STXBP5L: variants seen among roughly 807,000 people sequenced by gnomAD.
STXBP5L encodes the protein syntaxin binding protein 5L.
A neutral mutation model predicts 144.5 loss-of-function variants in STXBP5L; 65 were observed. That is an observed-to-expected ratio of 0.45 (90% confidence interval 0.37 to 0.55). The LOEUF (loss-of-function observed/expected upper bound fraction) is 0.55. Among genes scored for constraint, STXBP5L ranks in the 20% least tolerant of loss-of-function variants. The pLI, the probability that STXBP5L is intolerant of heterozygous loss-of-function variation, is 0.00. For synonymous variants in STXBP5L, 505 were observed against 469.6 expected (o/e 1.08, Z -0.97); for missense variants, 1,298 against 1,405.5 (o/e 0.92, Z 1.22).
intron 7 of STXBP5L, among the ~76,000 whole-genome samples, chr3:121,136,445 G>T (rs1024291994): frequency 6.6e-6 from 1 of 152,190 alleles, no homozygotes; most frequent in East Asian, 1.9e-4. Context: ...TACTTCAGCA[G>T]CCTTGAGACC....
At chr3:121,012,717 G>A (rs1944872497) in intron 3 of STXBP5L, among the ~76,000 whole-genome samples, 2 of 151,728 alleles carry the variant, frequency 1.3e-5, no homozygotes, top group Non-Finnish European at 2.9e-5. Flanking sequence ...GGATACATGT[G>A]CATGTGCAGG....
chr3:121,194,718 A>T (rs1026901724), intron 9 of STXBP5L, among the ~76,000 whole-genome samples: 3 of 151,804 alleles, frequency 2.0e-5, no homozygotes, highest in African/African-American at 2.4e-5. Flanking sequence ...TTTGTGAGAG[A>T]TTTTTCCAAT....
At chr3:120,915,696 T>G in intron 2 of STXBP5L, among the ~76,000 whole-genome samples, 1 of 152,094 alleles carries the variant, frequency 6.6e-6, no homozygotes, top group Non-Finnish European at 1.5e-5. Context: ...AAATATAGAT[T>G]AAGTATTCTG....
At chr3:121,093,543 T>G (rs1264762102) in intron 5 of STXBP5L, among the ~76,000 whole-genome samples, 36 of 152,244 alleles carry the variant, frequency 2.4e-4, no homozygotes, top group Non-Finnish European at 1.9e-4. Flanking sequence ...CTTCTAGATT[T>G]TCTAGTTTAT....
chr3:121,012,943 T>C (rs1342628526), intron 3 of STXBP5L, among the ~76,000 whole-genome samples: 2 of 151,956 alleles, frequency 1.3e-5, no homozygotes, highest in African/African-American at 4.8e-5. Flanking sequence ...GAAGATGCAG[T>C]ATTTGATTTT....
At chr3:121,050,802 G>C (rs1947914256) in intron 5 of STXBP5L, among the ~76,000 whole-genome samples, 2 of 152,102 alleles carry the variant, frequency 1.3e-5, no homozygotes, top group African/African-American at 4.8e-5. Context: ...ATTGGATAAA[G>C]AGTCAAGACC....
At chr3:121,407,214 A>C in intron 22 of STXBP5L, 29 bp from the exon 23 acceptor site, 2 of 1,523,864 alleles carry the variant, frequency 1.3e-6, no homozygotes, top group Non-Finnish European at 1.8e-6. Flanking sequence ...TGAATTTGAC[A>C]TGTCAGTGAT....
At chr3:121,070,023 T>G (rs2041735818) in intron 5 of STXBP5L, among the ~76,000 whole-genome samples, 1 of 152,218 alleles carries the variant, frequency 6.6e-6, no homozygotes, top group Non-Finnish European at 1.5e-5. Context: ...TCAAAGAATT[T>G]TTAAATTTAT....
At chr3:121,192,744 G>A (rs568826678) in intron 9 of STXBP5L, among the ~76,000 whole-genome samples, 3 of 152,168 alleles carry the variant, frequency 2.0e-5, no homozygotes, top group Admixed American at 6.5e-5. Context: ...TTTAATAAAT[G>A]GTGCTGGGAA....
At chr3:121,143,517 A>T (rs993541343) in intron 7 of STXBP5L, among the ~76,000 whole-genome samples, 2 of 151,818 alleles carry the variant, frequency 1.3e-5, no homozygotes, top group Non-Finnish European at 3.0e-5. Context: ...TGCAAGGATG[A>T]TTCAACACAT....
intron 3 of STXBP5L, among the ~76,000 whole-genome samples, chr3:120,990,608 C>T (rs1312349021): frequency 2.0e-5 from 3 of 151,762 alleles, no homozygotes; most frequent in Non-Finnish European, 2.9e-5. Flanking sequence ...ACCAAAACAG[C>T]ATGGTACTGG....
At chr3:121,362,855 C>T (rs1466505996) in intron 20 of STXBP5L, among the ~76,000 whole-genome samples, 5 of 152,134 alleles carry the variant, frequency 3.3e-5, no homozygotes, top group Non-Finnish European at 7.4e-5. Flanking sequence ...TCACCTGAAA[C>T]TGGCAAGTCT....
chr3:121,241,221 A>C lies in STXBP5L; in HGVS notation c.1400+714A>C, dbSNP rs2049654777. On this transcript the variant is annotated intron_variant, in intron 14 of 26. Coordinates refer to ENST00000471454, the MANE Select transcript of STXBP5L (RefSeq NM_001308330.2). Reference sequence around the variant, plus strand: ...TATATCCCAGAATTAGAGCTAAAGAAGCTAGTAACCTAGAACTGGGAATAA... The same window carrying C: ...TATATCCCAGAATTAGAGCTAAAGACGCTAGTAACCTAGAACTGGGAATAA... Among the ~76,000 whole-genome samples, 3 of 152,186 alleles carry C rather than the reference A, an allele frequency of 2.0e-5. No homozygotes were observed. In the South Asian group the frequency reaches 6.2e-4, roughly 31 times the overall value.
intron 22 of STXBP5L, among the ~76,000 whole-genome samples, chr3:121,401,951 A>G (rs1385113137): frequency 1.3e-5 from 2 of 152,210 alleles, no homozygotes; most frequent in South Asian, 2.1e-4. Flanking sequence ...GTGGAGGACA[A>G]TGAGCACATA....
intron 19 of STXBP5L, among the ~76,000 whole-genome samples, chr3:121,314,637 G>C (rs922782931): frequency 1.3e-5 from 2 of 151,048 alleles, no homozygotes; most frequent in Non-Finnish European, 3.0e-5. Flanking sequence ...GAGGGAGAGC[G>C]TAAGCGTAAA....
intron 5 of STXBP5L, among the ~76,000 whole-genome samples, chr3:121,095,331 C>T (rs975125686): frequency 3.3e-5 from 5 of 152,136 alleles, no homozygotes; most frequent in Non-Finnish European, 7.3e-5. Flanking sequence ...GAATGTTGGC[C>T]TGTCCTTCTA....
chr3:120,957,309 T>A (rs1260694263), intron 3 of STXBP5L, among the ~76,000 whole-genome samples: 1 of 152,022 alleles, frequency 6.6e-6, no homozygotes, highest in Admixed American at 6.6e-5. Flanking sequence ...TAGTTTTTGT[T>A]ATTGATTATG....
chr3:121,408,996 A>C (rs1358124571), intron 23 of STXBP5L, among the ~76,000 whole-genome samples: 1 of 151,938 alleles, frequency 6.6e-6, no homozygotes, highest in East Asian at 1.9e-4. Context: ...TTAATAATAA[A>C]TTGAGAATAA....
chr3:121,387,257 G>T lies in STXBP5L; in HGVS notation c.2587+5725G>T, dbSNP rs183212241. Among the ~76,000 whole-genome samples, 627 of 152,054 alleles carry T rather than the reference G, an allele frequency of 4.1e-3. 1 individual carries two copies. The highest frequency in any genetic ancestry group is 0.014 in the African/African-American group (580 of 41,504). On this transcript the variant is annotated intron_variant, in intron 22 of 26. Transcript: ENST00000471454. ...GCCCACTTTTTGATGGGGTTGCTTG[G>T]TTTTTTAGTGTAAATTTGTTTGAGT...
Sources: allele counts gnomAD v4.1 joint callset (sites outside exome capture counted in the v4.1 genomes callset), GRCh38; gene constraint gnomAD v4.1.1; transcripts MANE v1.5; gene names NCBI Gene and HGNC (gene_info 2026-07-23, HGNC 2026-07-21).